The following SDK1 variants were observed in gnomAD, a reference collection of about 807,000 sequenced individuals.
SDK1 encodes protein sidekick-1.
In SDK1, 157 loss-of-function variants were observed where a neutral mutation model predicts 245.5. The observed-to-expected ratio is 0.64, with a 90% CI of 0.56 to 0.73. The LOEUF (loss-of-function observed/expected upper bound fraction) is 0.73, where lower values mean the gene tolerates loss of function less well. SDK1 is among the 30% of genes least tolerant of loss of function. The pLI is 0.00. For missense variants in SDK1, 3,583 were observed against 3,002.3 expected, an observed-to-expected ratio of 1.19 and a Z score of -4.52; for synonymous variants, 1,647 against 1,278.5, an observed-to-expected ratio of 1.29 and a Z score of -6.15.
intron 5 of SDK1, among the ~76,000 whole-genome samples, chr7:3,911,044 C>G (rs1779144882): frequency 6.6e-6 from 1 of 152,196 alleles, no homozygotes; most frequent in Non-Finnish European, 1.5e-5. Flanking sequence ...AAGAGGGTGG[C>G]CTTGCCTCTG....
intron 20 of SDK1, among the ~76,000 whole-genome samples, chr7:4,072,280 G>A (rs1007781840): frequency 6.6e-6 from 1 of 152,224 alleles, no homozygotes; most frequent in Non-Finnish European, 1.5e-5. Flanking sequence ...GAGAGCACCA[G>A]GCAGACTCTC....
rs1305270039 is a variant in SDK1, at chr7:3,740,872, T to G, written c.714-80578T>G. 2.0e-5 allele frequency among the ~76,000 whole-genome samples: 3 copies of G among 152,316 alleles called. 1 individual carries two copies. Among genetic ancestry groups the G allele is most frequent in the South Asian group, 4.1e-4 (2 of 4,828 alleles). ...TGAAGGAGATGATTTTCAGAGACTT[T>G]TATTCTGCCATTCCTGAGGTCCTTC... On this transcript the variant is annotated intron_variant, in intron 4 of 44. Transcript: ENST00000404826.
chr7:3,772,363 A>T (rs1013601789), intron 4 of SDK1, among the ~76,000 whole-genome samples: 1 of 152,134 alleles, frequency 6.6e-6, no homozygotes, highest in Non-Finnish European at 1.5e-5. Context: ...CTTCAATATT[A>T]TACAAAGTGC....
At chr7:3,884,385 C>T (rs371130878) in intron 5 of SDK1, among the ~76,000 whole-genome samples, 44 of 152,200 alleles carry the variant, frequency 2.9e-4, no homozygotes, top group Admixed American at 1.9e-3. Context: ...ACTCAGTGCG[C>T]GGGAAGTTGT....
At position 3,398,246 on chromosome 7, in the gene SDK1, T is replaced by A. The variant is rs185044735; in HGVS notation, c.298+96362T>A. On this transcript the variant is annotated intron_variant, in intron 1 of 44. Transcript: ENST00000404826. ...CCTAGAAATACCGCCTTAAGTAGAGTCTGTACCTTGCAGCTATTTTAGTTG... is the reference window on the plus strand; with the variant it reads ...CCTAGAAATACCGCCTTAAGTAGAGACTGTACCTTGCAGCTATTTTAGTTG... Among the ~76,000 whole-genome samples, 4 of 152,028 alleles carry A rather than the reference T, an allele frequency of 2.6e-5. No individual in the cohort carries two copies. In the East Asian group the frequency reaches 7.7e-4, roughly 29 times the overall value.
At chr7:4,024,525 A>G (rs1787178479) in intron 17 of SDK1, among the ~76,000 whole-genome samples, 1 of 152,244 alleles carries the variant, frequency 6.6e-6, no homozygotes, top group Non-Finnish European at 1.5e-5. Flanking sequence ...GGTCTTTTAG[A>G]ACCTACAGGA....
chr7:3,572,037 C>G (rs1184127683), intron 1 of SDK1, among the ~76,000 whole-genome samples: 1 of 152,056 alleles, frequency 6.6e-6, no homozygotes, highest in Non-Finnish European at 1.5e-5. Context: ...ACTTGGCTAA[C>G]TATCAATGCC....
chr7:3,515,187 A>C (rs562313327), intron 1 of SDK1, among the ~76,000 whole-genome samples: 7 of 152,308 alleles, frequency 4.6e-5, no homozygotes, highest in Middle Eastern at 3.4e-3. Flanking sequence ...CTTCTGAAGA[A>C]GAGCAGGGCT....
At chr7:3,447,740 C>A (rs1401946145) in intron 1 of SDK1, among the ~76,000 whole-genome samples, 2 of 126,626 alleles carry the variant, frequency 1.6e-5, no homozygotes, top group African/African-American at 3.0e-5. Context: ...GTTTCACTCT[C>A]GTTGCCCAGG....
chr7:3,364,338 C>T (rs1031965607), intron 1 of SDK1, among the ~76,000 whole-genome samples: 16 of 152,178 alleles, frequency 1.1e-4, no homozygotes, highest in East Asian at 1.9e-4. Flanking sequence ...CTTTTGCTGT[C>T]GAGACTAAGA....
intron 1 of SDK1, among the ~76,000 whole-genome samples, chr7:3,434,003 T>C (rs1779944997): frequency 6.6e-6 from 1 of 152,214 alleles, no homozygotes; most frequent in African/African-American, 2.4e-5. Context: ...AGAATTTTCA[T>C]CCCACAGATC....
chr7:4,060,577 C>T (rs879434933), intron 19 of SDK1, among the ~76,000 whole-genome samples: 8 of 151,856 alleles, frequency 5.3e-5, no homozygotes, highest in South Asian at 2.1e-4. Flanking sequence ...AAAATTTTCT[C>T]CCATTGTGTA....
At chr7:3,784,733 G>A (rs1780848172) in intron 4 of SDK1, among the ~76,000 whole-genome samples, 1 of 152,218 alleles carries the variant, frequency 6.6e-6, no homozygotes, top group Non-Finnish European at 1.5e-5. Context: ...AGGATGTGAA[G>A]GAAAGGGAAC....
chr7:4,245,749 G>A lies in SDK1; in HGVS notation c.6325G>A (p.Val2109Met), dbSNP rs148198234. 1.9e-4 allele frequency: 308 copies of A among 1,614,040 alleles called. 1 individual carries two copies. The African/African-American group carries it at 3.2e-3, about 17-fold the overall frequency. Reference sequence around the variant, plus strand: ...CATCTGCAACAAGTACAACGGCGCCGTGCTGACCGAGAGCGTGAGCCTCAA... The same window carrying A: ...CATCTGCAACAAGTACAACGGCGCCATGCTGACCGAGAGCGTGAGCCTCAA... The part of the protein sequence containing the change: ...EDICNKYNGA[V>M]LTESVSLKEK... The change falls in exon 44 of 45, where the codon GTG (valine) becomes ATG (methionine). Residue 2109 changes from valine (V) to methionine (M), a missense_variant. By Grantham distance (21) the Val-to-Met change is conservative. Transcript: ENST00000404826.
At chr7:3,422,097 G>T (rs938245528) in intron 1 of SDK1, among the ~76,000 whole-genome samples, 8 of 152,028 alleles carry the variant, frequency 5.3e-5, no homozygotes, top group African/African-American at 1.9e-4. Context: ...AAAATGAGAT[G>T]TATCTATCTA....
intron 5 of SDK1, among the ~76,000 whole-genome samples, chr7:3,891,640 G>C (rs971386807): frequency 1.3e-5 from 2 of 152,126 alleles, no homozygotes; most frequent in African/African-American, 2.4e-5. Flanking sequence ...AGCACATCAT[G>C]CTTCCAACAG....
intron 1 of SDK1, among the ~76,000 whole-genome samples, chr7:3,361,809 T>A (rs1376172073): frequency 1.3e-5 from 2 of 152,322 alleles, no homozygotes; most frequent in South Asian, 2.1e-4. Context: ...CAATCAAGAA[T>A]AACCGGTGAA....
At chr7:3,629,882 A>T (rs1264915395) in intron 2 of SDK1, among the ~76,000 whole-genome samples, 1 of 152,230 alleles carries the variant, frequency 6.6e-6, no homozygotes, top group Non-Finnish European at 1.5e-5. Flanking sequence ...TAGAGTTAAC[A>T]GAGAAAGATA....
intron 1 of SDK1, among the ~76,000 whole-genome samples, chr7:3,430,607 G>T (rs111433727): frequency 0.041 from 6,240 of 152,266 alleles, 389 homozygotes; most frequent in African/African-American, 0.14. Context: ...CTCAGCTCAT[G>T]ACTTTCCATC....
Sources: allele counts gnomAD v4.1 joint callset (sites outside exome capture counted in the v4.1 genomes callset), GRCh38; gene constraint gnomAD v4.1.1; transcripts MANE v1.5; gene names NCBI Gene and HGNC (gene_info 2026-07-23, HGNC 2026-07-21).